The following STPG2 variants were observed in gnomAD, a reference collection of about 807,000 sequenced individuals.
The protein encoded by STPG2 is sperm-tail PG-rich repeat-containing protein 2.
A neutral mutation model predicts 54.2 loss-of-function variants in STPG2; 56 were observed. That is an observed-to-expected ratio of 1.03 (90% CI 0.83 to 1.29). The LOEUF (loss-of-function observed/expected upper bound fraction) is 1.29. STPG2 is among the 50% of genes most tolerant of loss of function. STPG2 has a pLI of 0.00. For synonymous variants in STPG2, 200 were observed against 181.8 expected (o/e 1.10, Z -0.81); for missense variants, 596 against 544.9 (o/e 1.09, Z -0.93).
At chr4:98,089,202 C>G (rs1034940929) in intron 5 of STPG2, among the ~76,000 whole-genome samples, 1 of 152,030 alleles carries the variant, frequency 6.6e-6, no homozygotes, top group African/African-American at 2.4e-5. Context: ...CCATGACCCC[C>G]CTCCCAACCT....
intron 4 of STPG2, among the ~76,000 whole-genome samples, chr4:97,443,076 T>C (rs1729130268): frequency 6.6e-6 from 1 of 152,160 alleles, no homozygotes; most frequent in African/African-American, 2.4e-5. Context: ...TTATTTCGGC[T>C]TAAACCTATT....
intron 10 of STPG2, among the ~76,000 whole-genome samples, chr4:97,591,084 T>G (rs1733133421): frequency 6.6e-6 from 1 of 152,118 alleles, no homozygotes; most frequent in Admixed American, 6.6e-5. Context: ...TGCAAGTTCT[T>G]CACAGACCAA....
intron 5 of STPG2, among the ~76,000 whole-genome samples, chr4:98,093,083 T>G (rs752096653): frequency 7.2e-5 from 11 of 152,224 alleles, no homozygotes; most frequent in African/African-American, 1.4e-4. Flanking sequence ...AATACAAAGC[T>G]AACACAGCAA....
chr4:97,852,309 A>G (rs1379208688), intron 8 of STPG2, among the ~76,000 whole-genome samples: 1 of 152,232 alleles, frequency 6.6e-6, no homozygotes, highest in Non-Finnish European at 1.5e-5. Flanking sequence ...GGCAAGAACT[A>G]TCCCTTGTAT....
At chr4:97,645,800 A>G (rs1721896621) in intron 10 of STPG2, among the ~76,000 whole-genome samples, 1 of 152,146 alleles carries the variant, frequency 6.6e-6, no homozygotes. Flanking sequence ...TTCTAACTGC[A>G]TAGGTTGTTT....
intron 3 of STPG2, among the ~76,000 whole-genome samples, chr4:98,112,496 CAT>C (rs1326242341): frequency 2.0e-5 from 3 of 152,132 alleles, no homozygotes; most frequent in Non-Finnish European, 4.4e-5. Flanking sequence ...TTGATTGACA[CAT>C]GACTGTGTAA....
chr4:97,655,587 C>T (rs1040467373), intron 10 of STPG2, among the ~76,000 whole-genome samples: 3 of 151,930 alleles, frequency 2.0e-5, no homozygotes, highest in African/African-American at 7.2e-5. Context: ...CACTGTTTAT[C>T]GAGATCAAAA....
intron 9 of STPG2, among the ~76,000 whole-genome samples, chr4:97,796,623 G>A (rs1482232862): frequency 6.6e-6 from 1 of 152,296 alleles, no homozygotes; most frequent in South Asian, 2.1e-4. Context: ...ATAGTTTGAA[G>A]TCAGGTAGCA....
intron 10 of STPG2, among the ~76,000 whole-genome samples, chr4:97,585,856 C>T (rs1560673221): frequency 2.6e-5 from 4 of 151,806 alleles, no homozygotes; most frequent in African/African-American, 9.7e-5. Flanking sequence ...TGAACCTAAA[C>T]AGAGTGACTG....
intron 10 of STPG2, among the ~76,000 whole-genome samples, chr4:97,559,322 T>C (rs1481222622): frequency 6.6e-6 from 1 of 152,342 alleles, no homozygotes; most frequent in South Asian, 2.1e-4. Context: ...ATAATCAATA[T>C]TAATTTTATA....
At chr4:97,573,803 T>C (rs1238190388) in intron 10 of STPG2, among the ~76,000 whole-genome samples, 1 of 152,098 alleles carries the variant, frequency 6.6e-6, no homozygotes, top group Middle Eastern at 3.2e-3. Context: ...CAGGTCTCAC[T>C]AACAGCTGAA....
At chr4:97,540,858 A>G (rs1731681588) in intron 4 of STPG2, among the ~76,000 whole-genome samples, 1 of 152,180 alleles carries the variant, frequency 6.6e-6, no homozygotes. Flanking sequence ...AAAAGAACCA[A>G]AGAGAAAAAC....
intron 5 of STPG2, among the ~76,000 whole-genome samples, chr4:98,078,420 C>T (rs1292711297): frequency 6.6e-6 from 1 of 151,946 alleles, no homozygotes; most frequent in Admixed American, 6.6e-5. Flanking sequence ...CTAAATAAAA[C>T]ATACTATATT....
chr4:97,772,944 A>T (rs1270848315), intron 9 of STPG2, among the ~76,000 whole-genome samples: 1 of 152,190 alleles, frequency 6.6e-6, no homozygotes, highest in Non-Finnish European at 1.5e-5. Context: ...AAGGTTAAAG[A>T]TAATTTATTC....
chr4:97,504,852 C>T (rs575575801), intron 4 of STPG2, among the ~76,000 whole-genome samples: 267 of 152,014 alleles, frequency 1.8e-3, no homozygotes, highest in African/African-American at 6.3e-3. Flanking sequence ...AGGGACTATT[C>T]AATGGCAACT....
chr4:98,070,287 C>T (rs1047515238), intron 5 of STPG2, among the ~76,000 whole-genome samples: 3 of 151,876 alleles, frequency 2.0e-5, no homozygotes, highest in South Asian at 2.1e-4. Flanking sequence ...TCTCAACAGA[C>T]ACAGAAAGGG....
At chr4:97,755,344 T>C (rs1400029266) in intron 9 of STPG2, among the ~76,000 whole-genome samples, 2 of 152,166 alleles carry the variant, frequency 1.3e-5, no homozygotes, top group African/African-American at 2.4e-5. Context: ...TACTCATTCA[T>C]AGAAAGCAAC....
intron 4 of STPG2, among the ~76,000 whole-genome samples, chr4:97,487,320 A>G (rs944157227): frequency 6.6e-6 from 1 of 151,538 alleles, no homozygotes; most frequent in African/African-American, 2.4e-5. Flanking sequence ...GGAGTCACAG[A>G]AAGGAAACTT....
chr4:97,964,136 G>A (rs1489783065), intron 7 of STPG2, among the ~76,000 whole-genome samples: 1 of 152,134 alleles, frequency 6.6e-6, no homozygotes, highest in Non-Finnish European at 1.5e-5. Flanking sequence ...CAAAACTCCT[G>A]AGTCAGAGAC....
Sources: gnomAD v4.1 joint callset for allele counts (sites outside exome capture counted in the v4.1 genomes callset) on GRCh38, gnomAD v4.1.1 for gene constraint, MANE v1.5 for transcripts, NCBI Gene and HGNC (gene_info 2026-07-23, HGNC 2026-07-21) for gene names.